PDE4D: variants seen among roughly 807,000 people sequenced by gnomAD.
The protein encoded by PDE4D is phosphodiesterase 4D, also known as 3',5'-cyclic-AMP phosphodiesterase 4D.
Under a neutral mutation model 87.4 loss-of-function variants are expected in PDE4D, and 24 were observed. The ratio of observed to expected loss-of-function variants is 0.27; its 90% CI spans 0.20 to 0.39. The LOEUF (loss-of-function observed/expected upper bound fraction) is 0.39. Ranked by LOEUF, PDE4D falls within the 10% of genes least tolerant of loss-of-function variation. The probability of loss-of-function intolerance (pLI) is 1.00; values close to 1 mark genes in which losing one functional copy is unlikely to be tolerated. For missense variants in PDE4D, 714 were observed against 1,041.0 expected, an observed-to-expected ratio of 0.69 and a Z score of 4.32; for synonymous variants, 384 against 383.2, an observed-to-expected ratio of 1.00 and a Z score of -0.02.
intron 5 of PDE4D, among the ~76,000 whole-genome samples, chr5:59,044,134 G>A (rs1406782540): frequency 1.3e-5 from 2 of 152,200 alleles, no homozygotes; most frequent in Admixed American, 6.5e-5. Context: ...TCGCCACACT[G>A]TCTTCCACAA....
At chr5:60,297,178 G>A (rs1171052168) in intron 1 of PDE4D, among the ~76,000 whole-genome samples, 1 of 151,992 alleles carries the variant, frequency 6.6e-6, no homozygotes, top group Non-Finnish European at 1.5e-5. Flanking sequence ...AATATTTTTG[G>A]TATTAATAAG....
chr5:60,458,386 C>CAAAAAAAAAAAAAAAAAAAAAAAA (rs61006284), intron 1 of PDE4D, among the ~76,000 whole-genome samples: 1 of 75,186 alleles, frequency 1.3e-5, no homozygotes, highest in Non-Finnish European at 2.5e-5. Flanking sequence ...GACTTCATTG[C>CAAAAAAAAAAAAAAAAAAAAAAAA]AAAAAAAAAA....
intron 1 of PDE4D, among the ~76,000 whole-genome samples, chr5:60,273,250 C>T (rs1174968041): frequency 1.3e-5 from 2 of 151,682 alleles, no homozygotes; most frequent in Admixed American, 6.6e-5. Context: ...AGTGTCTTAG[C>T]AAATAAAAAA....
intron 5 of PDE4D, among the ~76,000 whole-genome samples, chr5:59,147,284 T>C (rs1288368850): frequency 2.0e-5 from 3 of 152,184 alleles, no homozygotes; most frequent in African/African-American, 7.2e-5. Context: ...TGGTTTTAAA[T>C]ATTCCTTATA....
chr5:60,076,560 T>C (rs1773317005), intron 2 of PDE4D, among the ~76,000 whole-genome samples: 1 of 152,212 alleles, frequency 6.6e-6, no homozygotes, highest in Non-Finnish European at 1.5e-5. Context: ...TTCAGTTGAC[T>C]GGCTCAATTT....
intron 2 of PDE4D, among the ~76,000 whole-genome samples, chr5:60,126,500 GA>G (rs944706494): frequency 6.6e-6 from 1 of 151,848 alleles, no homozygotes; most frequent in African/African-American, 2.4e-5. Context: ...AATGAAATGG[GA>G]ATAAATTAAC....
chr5:60,362,142 CTTG>C (rs1433452231), intron 1 of PDE4D, among the ~76,000 whole-genome samples: 7 of 152,170 alleles, frequency 4.6e-5, no homozygotes, highest in Non-Finnish European at 7.4e-5. Flanking sequence ...AATACACATT[CTTG>C]TTGAGGAGAT....
At chr5:60,257,026 T>C (rs1349582356) in intron 1 of PDE4D, among the ~76,000 whole-genome samples, 2 of 151,962 alleles carry the variant, frequency 1.3e-5, no homozygotes, top group African/African-American at 4.8e-5. Flanking sequence ...GAATAAAACA[T>C]CAAGTTGTAC....
chr5:59,747,014 C>T (rs557160176), intron 1 of PDE4D, among the ~76,000 whole-genome samples: 66 of 152,270 alleles, frequency 4.3e-4, no homozygotes, highest in Admixed American at 3.9e-3. Flanking sequence ...CTCTCTCCAG[C>T]GCAAACTCTT....
At chr5:59,680,701 C>G (rs1748858544) in intron 1 of PDE4D, among the ~76,000 whole-genome samples, 1 of 152,036 alleles carries the variant, frequency 6.6e-6, no homozygotes, top group African/African-American at 2.4e-5. Flanking sequence ...TTCTCTTTTT[C>G]CATAGAGGCG....
chr5:59,517,994 G>T (rs527347620), intron 1 of PDE4D, among the ~76,000 whole-genome samples: 19 of 152,082 alleles, frequency 1.2e-4, no homozygotes, highest in Admixed American at 1.2e-3. Context: ...TTAATTATTT[G>T]TTGTTGCTGA....
At chr5:59,037,084 A>G (rs959253865) in intron 6 of PDE4D, among the ~76,000 whole-genome samples, 2 of 152,198 alleles carry the variant, frequency 1.3e-5, no homozygotes, top group Non-Finnish European at 1.5e-5. Context: ...GACCTAAAAA[A>G]TTTTTAAATC....
At chr5:60,313,469 A>G (rs1027386709) in intron 1 of PDE4D, among the ~76,000 whole-genome samples, 1 of 152,190 alleles carries the variant, frequency 6.6e-6, no homozygotes, top group African/African-American at 2.4e-5. Context: ...AAAGCCCAGG[A>G]CTAGAAAGAT....
intron 5 of PDE4D, among the ~76,000 whole-genome samples, chr5:59,057,947 T>C (rs1213084501): frequency 6.6e-6 from 1 of 152,198 alleles, no homozygotes; most frequent in Non-Finnish European, 1.5e-5. Flanking sequence ...GCAAATATTA[T>C]GTTTGATGCA....
chr5:60,042,500 G>A (rs1768640738), intron 2 of PDE4D, among the ~76,000 whole-genome samples: 1 of 152,202 alleles, frequency 6.6e-6, no homozygotes, highest in South Asian at 2.1e-4. Context: ...CTCCTGACTG[G>A]GAGATACTTC....
At chr5:59,903,095 T>A (rs568659910) in intron 3 of PDE4D, among the ~76,000 whole-genome samples, 1 of 152,280 alleles carries the variant, frequency 6.6e-6, no homozygotes, top group East Asian at 1.9e-4. Context: ...CACACATATA[T>A]TCCTAAATAT....
intron 1 of PDE4D, among the ~76,000 whole-genome samples, chr5:60,286,083 T>C (rs1752391105): frequency 6.6e-6 from 1 of 152,188 alleles, no homozygotes. Flanking sequence ...CGTTTAACAC[T>C]ACACGTTCTC....
chr5:59,756,537 G>C (rs6878104), intron 1 of PDE4D, among the ~76,000 whole-genome samples: 30 of 60,664 alleles, frequency 4.9e-4, no homozygotes, highest in South Asian at 2.3e-3. Flanking sequence ...CACACACACA[G>C]AGACACACAC....
intron 1 of PDE4D, among the ~76,000 whole-genome samples, chr5:59,302,036 G>T (rs56183128): frequency 0.071 from 10,836 of 151,654 alleles, 512 homozygotes; most frequent in South Asian, 0.13. Flanking sequence ...CTCAAGAAGG[G>T]GCAAAACGTC....
Sources: gnomAD v4.1 joint callset for allele counts (sites outside exome capture counted in the v4.1 genomes callset) on GRCh38, gnomAD v4.1.1 for gene constraint, MANE v1.5 for transcripts, NCBI Gene and HGNC (gene_info 2026-07-23, HGNC 2026-07-21) for gene names.